RUFY3: variants seen among roughly 807,000 people sequenced by gnomAD.
RUFY3 encodes the protein protein RUFY3.
In RUFY3, 34 loss-of-function variants were observed where a neutral mutation model predicts 84.0. The ratio of observed to expected loss-of-function variants is 0.40; its 90% CI spans 0.31 to 0.54. The LOEUF is 0.54. Ranked by LOEUF, RUFY3 falls within the 20% of genes least tolerant of loss-of-function variation. The pLI, the probability that RUFY3 is intolerant of heterozygous loss-of-function variation, is 0.39. For synonymous variants in RUFY3, 242 were observed against 252.9 expected (o/e 0.96, Z 0.41); for missense variants, 507 against 736.8 (o/e 0.69, Z 3.61).
At position 70,762,986 on chromosome 4, in the gene RUFY3, A is replaced by C. The variant is rs1230588911; in HGVS notation, c.352+294A>C. The stretch of plus-strand genomic sequence containing the variant: ...ATAGGCCTGCCCAGAATGAGACATG[A>C]CTTGGTCAAGGTCACACATTGAGTT... On this transcript the variant is annotated intron_variant, in intron 2 of 17. Coordinates refer to ENST00000381006, the MANE Select transcript of RUFY3 (RefSeq NM_001037442.4). Among the ~76,000 whole-genome samples the C allele has an allele frequency of 4.6e-5, 7 of 152,146 alleles. 1 individual carries two copies. The highest frequency in any genetic ancestry group is 2.6e-4 in the Admixed American group (4 of 15,268).
chr4:70,751,381 A>G (rs1283457770), intron 1 of RUFY3, among the ~76,000 whole-genome samples: 2 of 152,238 alleles, frequency 1.3e-5, no homozygotes, highest in Non-Finnish European at 2.9e-5. Context: ...TTACACTCCT[A>G]CAAGCAAGGC....
chr4:70,767,363 A>G (rs28627013), intron 4 of RUFY3, among the ~76,000 whole-genome samples: 25,640 of 135,036 alleles, frequency 0.19, 4,475 homozygotes, highest in African/African-American at 0.47. Context: ...ACCCGCCTTG[A>G]CCTCCCAAAG....
At chr4:70,763,518 A>C in intron 2 of RUFY3, 34 bp from the exon 3 acceptor site, 8 of 1,558,786 alleles carry the variant, frequency 5.1e-6, no homozygotes, top group Non-Finnish European at 7.0e-6. Context: ...GTTGTAAAGA[A>C]TATTAAAATA....
At chr4:70,758,113 A>T (rs1274745208) in intron 1 of RUFY3, among the ~76,000 whole-genome samples, 1 of 152,254 alleles carries the variant, frequency 6.6e-6, no homozygotes. Flanking sequence ...AATGTTACAC[A>T]CACAACATGC....
chr4:70,756,106 A>G, intron 1 of RUFY3, among the ~76,000 whole-genome samples: 1 of 152,202 alleles, frequency 6.6e-6, no homozygotes, highest in East Asian at 1.9e-4. Context: ...TCTAATCGCC[A>G]AAACTACAAA....
At chr4:70,794,770 C>T in intron 13 of RUFY3, 25 bp from the exon 14 acceptor site, 1 of 1,491,042 alleles carries the variant, frequency 6.7e-7, no homozygotes, top group Non-Finnish European at 9.3e-7. Flanking sequence ...AATTTTTCAT[C>T]CTTTTCCTCT....
At chr4:70,796,362 C>G (rs56732361) in intron 14 of RUFY3, among the ~76,000 whole-genome samples, 6,298 of 152,284 alleles carry the variant, frequency 0.041, 296 homozygotes, top group East Asian at 0.2. Flanking sequence ...CCACTTCCAC[C>G]TCTTCATAGC....
chr4:70,765,876 C>T (rs1047461355), intron 4 of RUFY3, among the ~76,000 whole-genome samples: 57 of 152,012 alleles, frequency 3.7e-4, no homozygotes, highest in African/African-American at 1.3e-3. Flanking sequence ...GATTCTCCTG[C>T]CACAGCCTCC....
chr4:70,798,094 G>A (rs1731752767), intron 14 of RUFY3, among the ~76,000 whole-genome samples: 1 of 151,786 alleles, frequency 6.6e-6, no homozygotes, highest in African/African-American at 2.4e-5. Context: ...CATCTCAGCT[G>A]GGTGGCTCAC....
chr4:70,724,377 A>G (rs1410750567), intron 1 of RUFY3, among the ~76,000 whole-genome samples: 1 of 152,234 alleles, frequency 6.6e-6, no homozygotes, highest in African/African-American at 2.4e-5. Context: ...CTAGTTTACC[A>G]GTGTCTCAAA....
intron 1 of RUFY3, among the ~76,000 whole-genome samples, chr4:70,707,412 T>A (rs1740459266): frequency 1.3e-5 from 2 of 151,996 alleles, no homozygotes; most frequent in South Asian, 4.2e-4. Context: ...GCACCTACCA[T>A]TTTTAGTATT....
At chr4:70,761,824 A>G (rs915322923) in intron 1 of RUFY3, among the ~76,000 whole-genome samples, 1 of 152,260 alleles carries the variant, frequency 6.6e-6, no homozygotes, top group East Asian at 1.9e-4. Flanking sequence ...ATAAAATACC[A>G]TAATGCAAAG....
intron 6 of RUFY3, among the ~76,000 whole-genome samples, chr4:70,774,651 A>G (rs1578171835): frequency 8.3e-6 from 1 of 120,602 alleles, no homozygotes; most frequent in South Asian, 2.5e-4. Flanking sequence ...AAAAATATAT[A>G]TATATATATA....
At chr4:70,741,697 C>G in intron 1 of RUFY3, 1 of 1,453,700 alleles carries the variant, frequency 6.9e-7, no homozygotes, top group Non-Finnish European at 9.0e-7. Context: ...GCCACACCAA[C>G]ATCTTTCAGC....
chr4:70,723,150 T>C (rs1307734491), intron 1 of RUFY3, among the ~76,000 whole-genome samples: 1 of 152,220 alleles, frequency 6.6e-6, no homozygotes, highest in Non-Finnish European at 1.5e-5. Context: ...ATTATAGGAT[T>C]GTACATGATG....
intron 14 of RUFY3, chr4:70,799,618 C>G (rs565015291): frequency 2.0e-5 from 3 of 153,108 alleles, no homozygotes; most frequent in African/African-American, 7.2e-5. Context: ...CGCTTGAACC[C>G]GGGAGGCAGA....
At chr4:70,712,467 G>A (rs890940006) in intron 1 of RUFY3, among the ~76,000 whole-genome samples, 1 of 152,192 alleles carries the variant, frequency 6.6e-6, no homozygotes, top group Non-Finnish European at 1.5e-5. Context: ...GCAGAGGAAA[G>A]GTGGCAAAGA....
At chr4:70,743,040 T>C (rs2148651893) in intron 1 of RUFY3, among the ~76,000 whole-genome samples, 1 of 152,232 alleles carries the variant, frequency 6.6e-6, no homozygotes, top group East Asian at 1.9e-4. Context: ...TGTTTACTAT[T>C]GTGTTAGCTG....
At chr4:70,805,875 A>G (rs1732781670) in intron 17 of RUFY3, among the ~76,000 whole-genome samples, 1 of 152,184 alleles carries the variant, frequency 6.6e-6, no homozygotes, top group African/African-American at 2.4e-5. Context: ...CTTTGTGTAT[A>G]CCACCCTATC....
Sources: allele counts gnomAD v4.1 joint callset (sites outside exome capture counted in the v4.1 genomes callset), GRCh38; gene constraint gnomAD v4.1.1; transcripts MANE v1.5; gene names NCBI Gene and HGNC (gene_info 2026-07-23, HGNC 2026-07-21).